The following MROH2A variants were observed in gnomAD, a reference collection of about 807,000 sequenced individuals.
MROH2A encodes the protein maestro heat-like repeat-containing protein family member 2A.
MROH2A carries 174 observed loss-of-function variants against 200.4 expected under a neutral mutation model. The observed-to-expected ratio is 0.87, with a 90% CI of 0.77 to 0.98. MROH2A has a LOEUF of 0.98. Ranked by LOEUF, MROH2A falls within the 50% of genes least tolerant of loss-of-function variation. The pLI, the probability that MROH2A is intolerant of heterozygous loss-of-function variation, is 0.00. For missense variants in MROH2A, 2,045 were observed against 2,139.6 expected, an observed-to-expected ratio of 0.96 and a Z score of 0.87; for synonymous variants, 829 against 840.4, an observed-to-expected ratio of 0.99 and a Z score of 0.23.
intron 39 of MROH2A, 82 bp downstream of exon 39, chr2:233,831,622 T>A: frequency 1.4e-6 from 2 of 1,445,860 alleles, no homozygotes; most frequent in Non-Finnish European, 9.3e-7. Context: ...TTGCCACAGC[T>A]CTTTCTTGGG....
chr2:233,777,194 T>C (rs1462861735), upstream of MROH2A, among the ~76,000 whole-genome samples: 1 of 152,208 alleles, frequency 6.6e-6, no homozygotes, highest in Non-Finnish European at 1.5e-5. Flanking sequence ...CACATTCACT[T>C]CTGGCTCTAA....
chr2:233,831,683 C>A, intron 39 of MROH2A, 143 bp downstream of exon 39: 1 of 938,784 alleles, frequency 1.1e-6, no homozygotes, highest in Non-Finnish European at 1.5e-6. Flanking sequence ...CACTGTGCAG[C>A]AGAAATAGAA....
chr2:233,788,765 G>A (rs1320149280), intron 3 of MROH2A, among the ~76,000 whole-genome samples: 1 of 151,258 alleles, frequency 6.6e-6, no homozygotes, highest in African/African-American at 2.4e-5. Context: ...GTGAAACCCC[G>A]TCTCTACTAA....
chr2:233,832,374 C>A, intron 40 of MROH2A, 95 bp downstream of exon 40: 1 of 1,121,914 alleles, frequency 8.9e-7, no homozygotes, highest in Non-Finnish European at 1.3e-6. Flanking sequence ...GAGTGGGAGG[C>A]ATGTGGCAAG....
chr2:233,800,982 C>G (rs1702437772), intron 14 of MROH2A, among the ~76,000 whole-genome samples: 1 of 152,172 alleles, frequency 6.6e-6, no homozygotes, highest in East Asian at 1.9e-4. Flanking sequence ...ATCATCATAG[C>G]TACAGTCCAT....
intron 19 of MROH2A, 129 bp downstream of exon 19, chr2:233,805,240 G>C: frequency 1.7e-6 from 1 of 598,694 alleles, no homozygotes; most frequent in Non-Finnish European, 2.8e-6. Flanking sequence ...TGGGAGGAGA[G>C]GAGCGTGGTC....
At chr2:233,788,807 C>T (rs1478046924) in intron 3 of MROH2A, among the ~76,000 whole-genome samples, 3 of 151,870 alleles carry the variant, frequency 2.0e-5, no homozygotes, top group Non-Finnish European at 4.4e-5. Flanking sequence ...GGCGTGGTGG[C>T]GGGCGCCTGT....
intron 35 of MROH2A, among the ~76,000 whole-genome samples, chr2:233,827,381 C>T (rs1255224565): frequency 1.3e-5 from 2 of 152,172 alleles, no homozygotes; most frequent in Non-Finnish European, 2.9e-5. Flanking sequence ...CCATGGAATA[C>T]TATGCAGCCA....
Position 233,807,436 on chromosome 2 carries a change from G to A in MROH2A, c.2066G>A (p.Arg689Gln), listed in dbSNP as rs751340296. The A allele has an allele frequency of 2.0e-5, 31 of 1,550,334 alleles. No homozygotes were observed. Among genetic ancestry groups the A allele is most frequent in the Admixed American group, 7.8e-5 (4 of 50,974 alleles). ...SPSLEKGFLY[R>Q]ALGFTLATGL... ...CTGCCTCTCCAGGGCTTTCTGTACC[G>A]GGCCTTGGGCTTCACCTTGGCCACA... Residue 689 changes from arginine to glutamine, a missense_variant, in exon 20 of 42, where the codon CGG (arginine) becomes CAG (glutamine). Around this residue, in one of 3 missense-constraint regions of MROH2A, gnomAD observed 1,201 missense variants for 1,311.3 expected, o/e 0.92. Transcript: ENST00000389758. The surrounding 1 kb of genome is among the most constrained non-coding windows in gnomAD (Gnocchi z 4.3).
intron 38 of MROH2A, 56 bp downstream of exon 38, chr2:233,829,831 A>G: frequency 1.4e-5 from 18 of 1,275,284 alleles, no homozygotes; most frequent in Non-Finnish European, 1.7e-5. Context: ...TCCCCGAGGA[A>G]ACAGGTCCTT....
Position 233,807,503 on chromosome 2 carries a change from G to A in MROH2A, c.2133G>A (p.Leu711=). 8 of 1,550,630 alleles carry A rather than the reference G, an allele frequency of 5.2e-6. No homozygotes were observed. Among genetic ancestry groups the A allele is most frequent in the Non-Finnish European group, 6.1e-6 (7 of 1,147,002 alleles). ...ASKVEVLLLE[L]LYKTDYSNDF... ...AGGTGGAGGTCCTGCTGTTGGAGCT[G>A]CTGTACAAGACGGACTACAGCAATG... is the stretch of plus-strand genomic sequence containing the variant. The change falls in exon 20 of 42, where the codon CTG becomes CTA. Residue 711 remains leucine (L), a synonymous_variant. Coordinates refer to ENST00000389758, the MANE Select transcript of MROH2A (RefSeq NM_001394639.1). This position sits in a 1 kb window ranked among gnomAD's most constrained non-coding sequence, Gnocchi z 4.3.
chr2:233,780,520 G>A (rs28946894), intron 3 of MROH2A, among the ~76,000 whole-genome samples: 157 of 152,292 alleles, frequency 1.0e-3, no homozygotes, highest in African/African-American at 3.5e-3. Flanking sequence ...GGTGCTATGA[G>A]CAGAGGAGCT....
chr2:233,831,776 C>T (rs1020150043), intron 39 of MROH2A, among the ~76,000 whole-genome samples: 1 of 152,214 alleles, frequency 6.6e-6, no homozygotes, highest in African/African-American at 2.4e-5. Flanking sequence ...AACTAATTTT[C>T]ATGTATTTTA....
In MROH2A at chr2:233,779,260, G is replaced by A. The variant is rs556141210; in HGVS notation, c.-14-85G>A. 6.1e-5 allele frequency: 49 copies of A among 809,032 alleles called. No individual in the cohort carries two copies. The African/African-American group carries it at 7.9e-4, about 13-fold the overall frequency. The allele number at this position is 809,032 out of a possible 1,614,324, so 50.1% of individuals were successfully genotyped here. A position where few individuals can be genotyped will look rare whatever the true frequency, so the allele number is the denominator to read the frequency against. ...CCACCCACACACCCTCAAGGGGATG[G>A]CTTTATGGAAGGGTGTGGGTCGTTG... is the stretch of plus-strand genomic sequence containing the variant. On this transcript the variant is annotated intron_variant, in intron 1 of 41. Transcript: ENST00000389758.
Position 233,832,570 on chromosome 2 carries a change from T to C in MROH2A, c.4838-9T>C. On this transcript the variant is annotated splice_polypyrimidine_tract_variant and intron_variant, in intron 40 of 41. Coordinates refer to ENST00000389758, the MANE Select transcript of MROH2A (RefSeq NM_001394639.1). ...CGCGTGATGAGCATTTCTTTGGCTA[T>C]TGTTTTAGGAATTATTATGAAGCAG... The C allele has an allele frequency of 6.5e-7, 1 of 1,539,784 alleles. No individual in the cohort carries two copies. Among genetic ancestry groups the C allele is most frequent in the African/African-American group, 1.4e-5 (1 of 72,942 alleles).
intron 13 of MROH2A, 84 bp from the exon 14 acceptor site, chr2:233,800,121 C>G (rs1315113521): frequency 8.9e-7 from 1 of 1,125,546 alleles, no homozygotes; most frequent in Non-Finnish European, 1.3e-6. Flanking sequence ...GCATGGAGCC[C>G]CTGGGGAGTG....
intron 30 of MROH2A, 113 bp downstream of exon 30, chr2:233,819,582 A>C: frequency 8.8e-7 from 1 of 1,138,110 alleles, no homozygotes. Context: ...GCCTCCCCCA[A>C]CCCCTGGCTG....
rs1377741651 is a variant in MROH2A, at chr2:233,832,282, G to A, written c.4837+3G>A. 2 of 1,549,980 alleles carry A rather than the reference G, an allele frequency of 1.3e-6. No homozygotes were observed. The highest frequency in any genetic ancestry group is 2.0e-5 in the Admixed American group (1 of 50,994). On this transcript the variant is annotated splice_donor_region_variant and intron_variant, in intron 40 of 41. Transcript: ENST00000389758. ...AATCGCTGCTTGCAACTTGGCAGGT[G>A]AGCAGAGAGACGTCTCCTGACTCAA...
intron 19 of MROH2A, among the ~76,000 whole-genome samples, chr2:233,805,797 G>A (rs1290377155): frequency 6.6e-6 from 1 of 152,188 alleles, no homozygotes; most frequent in African/African-American, 2.4e-5. Flanking sequence ...CAAGAAGGGT[G>A]CCAAGACAAT....
Sources: allele counts gnomAD v4.1 joint callset (sites outside exome capture counted in the v4.1 genomes callset), GRCh38; gene constraint gnomAD v4.1.1; regional missense constraint gnomAD v4.1.1; non-coding constraint Gnocchi (gnomAD v3.1); transcripts MANE v1.5; gene names NCBI Gene and HGNC (gene_info 2026-07-23, HGNC 2026-07-21).